Variants in HTT observed in about 807,000 individuals in gnomAD.
The protein encoded by HTT is huntington disease protein.
A neutral mutation model predicts 362.3 loss-of-function variants in HTT; 104 were observed. The ratio of observed to expected loss-of-function variants is 0.29; its 90% confidence interval spans 0.24 to 0.34. The LOEUF (loss-of-function observed/expected upper bound fraction) is 0.34. Ranked by LOEUF, HTT falls within the 10% of genes least tolerant of loss-of-function variation. The pLI is 1.00. For missense variants in HTT, 3,301 were observed against 3,928.6 expected, an observed-to-expected ratio of 0.84 and a Z score of 4.27; for synonymous variants, 1,577 against 1,548.7, an observed-to-expected ratio of 1.02 and a Z score of -0.43.
chr4:3,206,963 C>A lies in HTT; in HGVS notation c.6055C>A (p.Leu2019Ile), dbSNP rs749152360. ...CCTTGCTTGTCGCCGGGTAGAAATG[C>A]TTCTGGCTGCAAATTTACAGGTATT... ...DILACRRVEMLLAANLQSSMA... is the reference protein window; with the variant it reads ...DILACRRVEMILAANLQSSMA... Residue 2019 changes from leucine to isoleucine, a missense_variant, in exon 44 of 67, where the codon CTT (leucine) becomes ATT (isoleucine). Leu to Ile is a conservative substitution (Grantham distance 5). Coordinates refer to ENST00000355072, the MANE Select transcript of HTT (RefSeq NM_001388492.1). The surrounding 1 kb of genome is among the most constrained non-coding windows in gnomAD (Gnocchi z 4.6). 3 of 1,609,136 alleles carry A rather than the reference C, an allele frequency of 1.9e-6. No homozygotes were observed. The highest frequency in any genetic ancestry group is 2.5e-6 in the Non-Finnish European group (3 of 1,178,606).
chr4:3,203,312 C>G (rs988711306), intron 41 of HTT, among the ~76,000 whole-genome samples: 1 of 152,252 alleles, frequency 6.6e-6, no homozygotes, highest in Non-Finnish European at 1.5e-5. Flanking sequence ...GATGTGACCT[C>G]TGTCCCCGTT....
chr4:3,160,534 G>A, intron 29 of HTT, 142 bp downstream of exon 29: 2 of 648,926 alleles, frequency 3.1e-6, no homozygotes, highest in Non-Finnish European at 5.6e-6. Context: ...TGCGTCACAG[G>A]ACCCAAGTCT....
At chr4:3,078,964 TGACCTCGTCATCCGCC>T (rs1443842321) in intron 1 of HTT, among the ~76,000 whole-genome samples, 13 of 152,320 alleles carry the variant, frequency 8.5e-5, no homozygotes, top group South Asian at 4.1e-4. Flanking sequence ...CTTGATCTCC[TGACCTCGTCATCCGCC>T]GACCTTGTGA....
intron 23 of HTT, among the ~76,000 whole-genome samples, chr4:3,144,659 T>G (rs540088335): frequency 6.6e-6 from 1 of 152,386 alleles, no homozygotes; most frequent in South Asian, 2.1e-4. Flanking sequence ...TTCCATGTTA[T>G]AGAAGACTAA....
chr4:3,111,995 C>G (rs1415064986), intron 6 of HTT, among the ~76,000 whole-genome samples: 1 of 152,204 alleles, frequency 6.6e-6, no homozygotes, highest in Non-Finnish European at 1.5e-5. Context: ...GAACTTCTTC[C>G]TACGGGCTAA....
At chr4:3,168,762 C>T (rs1717829416) in intron 29 of HTT, among the ~76,000 whole-genome samples, 1 of 152,124 alleles carries the variant, frequency 6.6e-6, no homozygotes, top group Non-Finnish European at 1.5e-5. Flanking sequence ...TCTGTGGTCC[C>T]AGCTACTCGG....
At chr4:3,079,049 C>T (rs1578479621) in intron 1 of HTT, among the ~76,000 whole-genome samples, 1 of 152,094 alleles carries the variant, frequency 6.6e-6, no homozygotes, top group Non-Finnish European at 1.5e-5. Context: ...CTGTGCCCGG[C>T]CACGCCTGGG....
rs764652801 is a variant in HTT at position 3,212,029 on chromosome 4, C to T, written c.6515C>T (p.Thr2172Ile). The T allele has an allele frequency of 6.2e-7, 1 of 1,614,200 alleles. No homozygotes were observed. ...SALFEAAREVTLARVSGTVQQ... is the reference protein window; with the variant it reads ...SALFEAAREVILARVSGTVQQ... ...CTTTTTGAAGCAGCCCGTGAGGTGACTCTGGCCCGTGTGAGCGGCACCGTG... is the reference window on the plus strand; with the variant it reads ...CTTTTTGAAGCAGCCCGTGAGGTGATTCTGGCCCGTGTGAGCGGCACCGTG... The change falls in exon 48 of 67, where the codon ACT becomes ATT. Residue 2172 changes from threonine (T) to isoleucine (I), a missense_variant. Thr to Ile is a moderately conservative substitution (Grantham distance 89). Coordinates refer to ENST00000355072, the MANE Select transcript of HTT (RefSeq NM_001388492.1).
At chr4:3,186,877 G>A (rs529733127) in intron 38 of HTT, among the ~76,000 whole-genome samples, 158 bp downstream of exon 38, 62 of 145,980 alleles carry the variant, frequency 4.2e-4, no homozygotes, top group Admixed American at 6.9e-4. Context: ...GGGGTGGTGC[G>A]GAACAGAGTC....
chr4:3,108,506 C>G (rs1018032288), intron 6 of HTT, among the ~76,000 whole-genome samples: 4 of 152,178 alleles, frequency 2.6e-5, no homozygotes, highest in African/African-American at 7.2e-5. Flanking sequence ...GCCAGTTTGC[C>G]CATCTGTACA....
chr4:3,215,811 G>A (rs1414416303), intron 51 of HTT, among the ~76,000 whole-genome samples: 2 of 152,156 alleles, frequency 1.3e-5, no homozygotes, highest in African/African-American at 4.8e-5. Context: ...TCTAGAGTAG[G>A]TATTTTACTA....
chr4:3,126,292 G>A (rs1469980379), intron 11 of HTT, among the ~76,000 whole-genome samples: 1 of 152,170 alleles, frequency 6.6e-6, no homozygotes, highest in African/African-American at 2.4e-5. Flanking sequence ...GACCTCAAGT[G>A]ATCTGCCTGC....
At chr4:3,229,078 CACA>C in intron 59 of HTT, 69 bp downstream of exon 59, 1 of 1,452,374 alleles carries the variant, frequency 6.9e-7, no homozygotes, top group East Asian at 2.5e-5. Context: ...ACACACCCCA[CACA>C]CACACACCGC....
chr4:3,208,995 G>A (rs1720006702), intron 46 of HTT, 84 bp downstream of exon 46: 2 of 1,418,504 alleles, frequency 1.4e-6, no homozygotes, highest in South Asian at 1.4e-5. Flanking sequence ...GTGCAGAGGA[G>A]GTGCCGTGGA....
At chr4:3,075,114 C>T (rs1712442286) in intron 1 of HTT, 26 bp downstream of exon 1, 1 of 1,220,806 alleles carries the variant, frequency 8.2e-7, no homozygotes, top group Non-Finnish European at 1.0e-6. Flanking sequence ...CTGCAGCTCC[C>T]TGTCCCGGCG....
At chr4:3,189,898 C>A (rs1275214791) in intron 40 of HTT, among the ~76,000 whole-genome samples, 1 of 152,108 alleles carries the variant, frequency 6.6e-6, no homozygotes, top group Non-Finnish European at 1.5e-5. Context: ...TGCATGTGGT[C>A]CCAGCTACTC....
chr4:3,209,021 C>T (rs1476385798), intron 46 of HTT, 110 bp downstream of exon 46: 12 of 1,209,852 alleles, frequency 9.9e-6, no homozygotes, highest in South Asian at 6.5e-5. Flanking sequence ...GGAGTTCTGG[C>T]GCTCGGCTCG....
In HTT at chr4:3,215,206, C is replaced by T. The variant is rs745804607; in HGVS notation, c.7049C>T (p.Thr2350Ile). 7 of 1,612,260 alleles carry T rather than the reference C, an allele frequency of 4.3e-6. No individual in the cohort carries two copies. In the Admixed American group the frequency reaches 1.2e-4, roughly 27 times the overall value. ...GAGGAGGAGGAAGTAGATCCAAACA[C>T]ACAGAGTAAGTCTCAGGACCCATTT... Reference protein sequence around the residue: ...SEEEEEVDPNTQNPKYITAAC... With the variant: ...SEEEEEVDPNIQNPKYITAAC... Residue 2350 changes from threonine (T) to isoleucine (I), a missense_variant, in exon 51 of 67, where the codon ACA becomes ATA. Thr to Ile is a moderately conservative substitution (Grantham distance 89, BLOSUM62 -1). Around this residue, in one of 4 missense-constraint regions of HTT, gnomAD observed 220 missense variants for 218.5 expected, o/e 1.01. Transcript: ENST00000355072.
chr4:3,158,270 A>G (rs1717257572), intron 28 of HTT, among the ~76,000 whole-genome samples: 1 of 152,240 alleles, frequency 6.6e-6, no homozygotes, highest in Admixed American at 6.5e-5. Flanking sequence ...GGTGTGAGCA[A>G]CTGCACCCGG....
Sources: allele counts gnomAD v4.1 joint callset (sites outside exome capture counted in the v4.1 genomes callset), GRCh38; gene constraint gnomAD v4.1.1; regional missense constraint gnomAD v4.1.1; non-coding constraint Gnocchi (gnomAD v3.1); transcripts MANE v1.5; gene names NCBI Gene and HGNC (gene_info 2026-07-23, HGNC 2026-07-21).